NTNG1: variants seen among roughly 807,000 people sequenced by gnomAD.
The protein encoded by NTNG1 is netrin G1, also known as netrin-G1.
NTNG1 carries 16 observed loss-of-function variants against 54.0 expected under a neutral mutation model. That is an observed-to-expected ratio of 0.30 (90% CI 0.20 to 0.45). NTNG1 has a LOEUF of 0.45. Ranked by LOEUF, NTNG1 falls within the 20% of genes least tolerant of loss-of-function variation. The probability of loss-of-function intolerance (pLI) is 1.00; values close to 1 mark genes in which losing one functional copy is unlikely to be tolerated. For synonymous variants in NTNG1, 255 were observed against 263.1 expected, an observed-to-expected ratio of 0.97 and a Z score of 0.30; for missense variants, 530 against 678.7, an observed-to-expected ratio of 0.78 and a Z score of 2.43.
rs987210010 is a variant in NTNG1, at chr1:107,446,267, A to G, written c.1390+9468A>G. Among the ~76,000 whole-genome samples the G allele has an allele frequency of 5.3e-5, 8 of 152,222 alleles. No individual in the cohort carries two copies. The East Asian group carries it at 1.6e-3, about 30-fold the overall frequency. On this transcript the variant is annotated intron_variant, in intron 7 of 7. Transcript: ENST00000370068. ...TCATTTCCAGGACAAGATCACAGAC[A>G]TAATCAGTGCCGTCTGTTTAAAGGC...
At chr1:107,178,421 C>T (rs768733074) in intron 2 of NTNG1, among the ~76,000 whole-genome samples, 2 of 152,020 alleles carry the variant, frequency 1.3e-5, no homozygotes, top group Admixed American at 1.3e-4. Context: ...TCATTATAGC[C>T]ACATGTTTAT....
intron 2 of NTNG1, among the ~76,000 whole-genome samples, chr1:107,233,198 T>C (rs1262962282): frequency 6.6e-6 from 1 of 152,192 alleles, no homozygotes; most frequent in Non-Finnish European, 1.5e-5. Context: ...AAGCAAAATC[T>C]TGGAGATAGA....
chr1:107,263,912 G>C (rs941493404), intron 2 of NTNG1, among the ~76,000 whole-genome samples: 4 of 152,114 alleles, frequency 2.6e-5, no homozygotes, highest in African/African-American at 9.7e-5. Context: ...AACACATCTT[G>C]ATGAAATGTT....
At chr1:107,168,274 T>C (rs980051294) in intron 2 of NTNG1, among the ~76,000 whole-genome samples, 1 of 151,938 alleles carries the variant, frequency 6.6e-6, no homozygotes, top group African/African-American at 2.4e-5. Flanking sequence ...TAGAATCCTG[T>C]CAAAAAATGA....
At chr1:107,421,991 C>T (rs879336089) in intron 5 of NTNG1, among the ~76,000 whole-genome samples, 12 of 151,974 alleles carry the variant, frequency 7.9e-5, no homozygotes, top group Non-Finnish European at 1.6e-4. Context: ...TTTTCCTATT[C>T]TTTATTGAAT....
chr1:107,361,395 T>TTA (rs1670293058), intron 3 of NTNG1, among the ~76,000 whole-genome samples: 1 of 76,282 alleles, frequency 1.3e-5, no homozygotes, highest in African/African-American at 4.7e-5. Flanking sequence ...ATATATATTT[T>TTA]TTTTTTTTTT....
chr1:107,334,753 CT>C (rs1228067339), intron 3 of NTNG1, among the ~76,000 whole-genome samples: 1 of 152,002 alleles, frequency 6.6e-6, no homozygotes, highest in Non-Finnish European at 1.5e-5. Context: ...ACTCACTGAT[CT>C]GCGTCCCGTG....
At chr1:107,320,480 C>A (rs1667591110) in intron 2 of NTNG1, among the ~76,000 whole-genome samples, 1 of 151,974 alleles carries the variant, frequency 6.6e-6, no homozygotes, top group Non-Finnish European at 1.5e-5. Flanking sequence ...GTTGAAGTAG[C>A]TGAAAATTTA....
chr1:107,365,729 C>T (rs895179023), intron 3 of NTNG1, among the ~76,000 whole-genome samples: 3 of 152,188 alleles, frequency 2.0e-5, no homozygotes, highest in Non-Finnish European at 4.4e-5. Context: ...CCCTCAGGAT[C>T]TGAATTCATA....
At chr1:107,302,665 G>GTAT (rs35121990) in intron 2 of NTNG1, among the ~76,000 whole-genome samples, 31,289 of 151,598 alleles carry the variant, frequency 0.21, 3,916 homozygotes, top group Non-Finnish European at 0.28. Context: ...ACCCACTTTA[G>GTAT]TATTATGAAT....
chr1:107,191,169 G>C (rs1237964979), intron 2 of NTNG1, among the ~76,000 whole-genome samples: 1 of 152,182 alleles, frequency 6.6e-6, no homozygotes, highest in Non-Finnish European at 1.5e-5. Context: ...GCATTTCTCT[G>C]ATGGCCAGTG....
At chr1:107,389,777 A>G (rs569357672) in intron 3 of NTNG1, among the ~76,000 whole-genome samples, 1 of 152,302 alleles carries the variant, frequency 6.6e-6, no homozygotes, top group East Asian at 1.9e-4. Context: ...GAATCGGTGA[A>G]TAGACTTGGC....
rs532806094 is a variant in NTNG1, at chr1:107,303,272, G to T, written c.247-21010G>T. On this transcript the variant is annotated intron_variant, in intron 2 of 7. Coordinates refer to ENST00000370068, the MANE Select transcript of NTNG1 (RefSeq NM_001113226.3). ...CCTGAACTAATACTGAGGAAAATTT[G>T]AAATTGCCTAAAATCAATCCTTATA... Among the ~76,000 whole-genome samples the T allele has an allele frequency of 1.2e-3, 190 of 152,248 alleles. 1 individual carries two copies. Among genetic ancestry groups the T allele is most frequent in the African/African-American group, 4.5e-3 (185 of 41,544 alleles).
At chr1:107,402,558 T>C (rs1268220129) in intron 4 of NTNG1, among the ~76,000 whole-genome samples, 2 of 152,208 alleles carry the variant, frequency 1.3e-5, no homozygotes, top group East Asian at 3.9e-4. Context: ...TGCTATAAGA[T>C]GACTGTAGCC....
chr1:107,255,043 C>T (rs192498590), intron 2 of NTNG1, among the ~76,000 whole-genome samples: 14 of 152,246 alleles, frequency 9.2e-5, no homozygotes, highest in Admixed American at 8.5e-4. Context: ...AGATGTAGGG[C>T]ACTGAAAATA....
At chr1:107,382,671 T>C (rs192853585) in intron 3 of NTNG1, among the ~76,000 whole-genome samples, 1 of 152,366 alleles carries the variant, frequency 6.6e-6, no homozygotes, top group East Asian at 1.9e-4. Flanking sequence ...CCTTTGTTTC[T>C]ATTCTTAAGT....
intron 2 of NTNG1, among the ~76,000 whole-genome samples, chr1:107,273,722 T>C (rs543474260): frequency 4.6e-5 from 7 of 152,306 alleles, no homozygotes; most frequent in African/African-American, 1.7e-4. Flanking sequence ...TTTATATACG[T>C]CATCTCACCT....
intron 3 of NTNG1, among the ~76,000 whole-genome samples, chr1:107,346,232 G>C (rs187112834): frequency 1.3e-5 from 2 of 152,286 alleles, no homozygotes; most frequent in Admixed American, 6.5e-5. Flanking sequence ...ATTGATCCCT[G>C]ATCAATTTGG....
intron 2 of NTNG1, among the ~76,000 whole-genome samples, chr1:107,150,765 C>T (rs569417746): frequency 1.6e-4 from 24 of 152,188 alleles, no homozygotes; most frequent in African/African-American, 5.8e-4. Context: ...CAGCATGCCT[C>T]TTCCTCCCAT....
Sources: allele counts gnomAD v4.1 joint callset (sites outside exome capture counted in the v4.1 genomes callset), GRCh38; gene constraint gnomAD v4.1.1; transcripts MANE v1.5; gene names NCBI Gene and HGNC (gene_info 2026-07-23, HGNC 2026-07-21).